PALM2AKAP2: variants seen among roughly 807,000 people sequenced by gnomAD.
PALM2AKAP2 encodes the protein PALM2-AKAP2 fusion protein.
A neutral mutation model predicts 71.5 loss-of-function variants in PALM2AKAP2; 37 were observed. That is an observed-to-expected ratio of 0.52 (90% CI 0.40 to 0.68). The LOEUF (loss-of-function observed/expected upper bound fraction) is 0.68. PALM2AKAP2 is among the 30% of genes least tolerant of loss of function. The probability of loss-of-function intolerance (pLI) is 0.00; values close to 1 mark genes in which losing one functional copy is unlikely to be tolerated. For synonymous variants in PALM2AKAP2, 468 were observed against 478.8 expected (o/e 0.98, Z 0.29); for missense variants, 1,224 against 1,191.8 (o/e 1.03, Z -0.40).
Position 110,043,596 on chromosome 9 carries a change from CA to C in PALM2AKAP2, c.582+27566del, listed in dbSNP as rs373445377. Among the ~76,000 whole-genome samples the C allele has an allele frequency of 1.4e-4, 21 of 145,828 alleles. 1 individual carries two copies. The highest frequency in any genetic ancestry group is 7.6e-4 in the Admixed American group (11 of 14,504). Reference sequence around the variant, plus strand: ...TTTATATATTTACTCATATTGTAGGCAAAAAAAAATTAGTCCAATATTTTAC... The same window carrying C: ...TTTATATATTTACTCATATTGTAGGCAAAAAAAATTAGTCCAATATTTTAC... On this transcript the variant is annotated intron_variant, in intron 7 of 9. Transcript: ENST00000302798.
chr9:109,861,731 C>CT (rs2083715084), intron 1 of PALM2AKAP2, among the ~76,000 whole-genome samples: 1 of 152,182 alleles, frequency 6.6e-6, no homozygotes, highest in Non-Finnish European at 1.5e-5. Flanking sequence ...CAGAATTAGC[C>CT]TTTTCAACTC....
At chr9:110,014,483 C>T (rs926024767) in intron 6 of PALM2AKAP2, among the ~76,000 whole-genome samples, 5 of 151,740 alleles carry the variant, frequency 3.3e-5, no homozygotes, top group African/African-American at 2.4e-5. Context: ...TAAAAATATA[C>T]ACTTGCCAGT....
At chr9:109,852,785 T>C (rs533321262) in intron 1 of PALM2AKAP2, among the ~76,000 whole-genome samples, 5 of 152,312 alleles carry the variant, frequency 3.3e-5, no homozygotes, top group South Asian at 2.1e-4. Context: ...TGATGAATAG[T>C]GGTGTAGAGC....
At chr9:110,030,662 A>C (rs1833263966) in intron 7 of PALM2AKAP2, among the ~76,000 whole-genome samples, 1 of 152,220 alleles carries the variant, frequency 6.6e-6, no homozygotes, top group Admixed American at 6.5e-5. Context: ...CTATCTCGAT[A>C]AATTATCCAA....
At chr9:109,897,235 C>G (rs1325094601) in intron 3 of PALM2AKAP2, among the ~76,000 whole-genome samples, 2 of 152,126 alleles carry the variant, frequency 1.3e-5, no homozygotes, top group Non-Finnish European at 2.9e-5. Flanking sequence ...ATAAGGTATA[C>G]TTTGGGGATT....
intron 1 of PALM2AKAP2, among the ~76,000 whole-genome samples, chr9:110,104,994 A>C (rs1354253718): frequency 6.6e-6 from 1 of 152,230 alleles, no homozygotes; most frequent in Non-Finnish European, 1.5e-5. Context: ...AAATTGACTC[A>C]GGTTAAGTGG....
intron 1 of PALM2AKAP2, among the ~76,000 whole-genome samples, chr9:109,819,707 G>A (rs7046646): frequency 0.45 from 52,782 of 118,284 alleles, 10,070 homozygotes; most frequent in East Asian, 0.66. Context: ...GTGTGTGTAT[G>A]TGTGTGTGTG....
intron 1 of PALM2AKAP2, among the ~76,000 whole-genome samples, chr9:109,790,910 C>T (rs1474957991): frequency 6.6e-6 from 1 of 152,230 alleles, no homozygotes; most frequent in Non-Finnish European, 1.5e-5. Context: ...GATAGCAGTG[C>T]TCCTGTAACC....
intron 1 of PALM2AKAP2, among the ~76,000 whole-genome samples, chr9:109,662,231 C>A: frequency 6.6e-6 from 1 of 152,174 alleles, no homozygotes; most frequent in East Asian, 1.9e-4. Context: ...GAGAGGGCAT[C>A]CCTGTCTTGT....
chr9:109,859,158 C>T (rs1190503772), intron 1 of PALM2AKAP2, among the ~76,000 whole-genome samples: 2 of 152,152 alleles, frequency 1.3e-5, no homozygotes, highest in African/African-American at 2.4e-5. Context: ...AGTATTGAGG[C>T]TCGAACTAAT....
exon 4 of PALM2AKAP2, chr9:109,923,771 G>T (rs1156509781): frequency 6.2e-7 from 1 of 1,605,140 alleles, no homozygotes; most frequent in African/African-American, 1.3e-5. Context: ...AAAGTGAAGA[G>T]TCCCAGATAT....
intron 1 of PALM2AKAP2, among the ~76,000 whole-genome samples, chr9:109,854,198 C>T (rs545366523): frequency 3.9e-5 from 6 of 152,296 alleles, no homozygotes; most frequent in African/African-American, 1.4e-4. Flanking sequence ...CTTCCCTGTC[C>T]CTGGGGGCAT....
At chr9:110,039,339 CA>C (rs1186520260) in intron 7 of PALM2AKAP2, among the ~76,000 whole-genome samples, 4 of 152,100 alleles carry the variant, frequency 2.6e-5, no homozygotes, top group Non-Finnish European at 4.4e-5. Flanking sequence ...ACTGTGAGCA[CA>C]AGAAAAATTT....
chr9:110,096,846 T>C (rs1466735281), intron 1 of PALM2AKAP2, among the ~76,000 whole-genome samples: 1 of 152,126 alleles, frequency 6.6e-6, no homozygotes, highest in Non-Finnish European at 1.5e-5. Context: ...GGGAAGGCTA[T>C]TGATATTTTT....
At chr9:109,687,753 G>C (rs189750079) in intron 1 of PALM2AKAP2, among the ~76,000 whole-genome samples, 30 of 152,342 alleles carry the variant, frequency 2.0e-4, no homozygotes, top group Non-Finnish European at 3.5e-4. Context: ...TTGGCTAACT[G>C]TTTGGCACAA....
chr9:109,740,287 A>C (rs1828698425), intron 1 of PALM2AKAP2, among the ~76,000 whole-genome samples: 1 of 152,208 alleles, frequency 6.6e-6, no homozygotes, highest in South Asian at 2.1e-4. Context: ...GATAATAAAC[A>C]AAGGTATAAA....
At chr9:110,145,891 C>CTTTTTTTTTT (rs61137720) in intron 2 of PALM2AKAP2, among the ~76,000 whole-genome samples, 12 of 64,454 alleles carry the variant, frequency 1.9e-4, no homozygotes, top group South Asian at 6.4e-4. Flanking sequence ...CCTCACTCTT[C>CTTTTTTTTTT]TTTTTTTTTT....
At chr9:109,930,917 A>C (rs983395587) in intron 5 of PALM2AKAP2, among the ~76,000 whole-genome samples, 5 of 152,176 alleles carry the variant, frequency 3.3e-5, no homozygotes, top group Admixed American at 6.5e-5. Context: ...CAGAGATACA[A>C]GGTCCATTTT....
chr9:110,084,088 T>C (rs773106857), intron 1 of PALM2AKAP2, among the ~76,000 whole-genome samples: 1 of 152,350 alleles, frequency 6.6e-6, no homozygotes, highest in South Asian at 2.1e-4. Flanking sequence ...TGATAGAATA[T>C]GTGAGGCATC....
Sources: gnomAD v4.1 joint callset for allele counts (sites outside exome capture counted in the v4.1 genomes callset) on GRCh38, gnomAD v4.1.1 for gene constraint, MANE v1.5 for transcripts, NCBI Gene and HGNC (gene_info 2026-07-23, HGNC 2026-07-21) for gene names.